The following UBE2E3 variants were observed in gnomAD, a reference collection of about 807,000 sequenced individuals.
The protein encoded by UBE2E3 is ubiquitin-conjugating enzyme E2 E3.
In UBE2E3, 5 loss-of-function variants were observed where a neutral mutation model predicts 23.6. That is an observed-to-expected ratio of 0.21 (90% CI 0.11 to 0.44). The LOEUF is 0.44. UBE2E3 is among the 20% of genes least tolerant of loss of function. UBE2E3 has a pLI of 0.99. For missense variants in UBE2E3, 81 were observed against 249.8 expected, an observed-to-expected ratio of 0.32 and a Z score of 4.55; for synonymous variants, 78 against 87.5, an observed-to-expected ratio of 0.89 and a Z score of 0.60.
intron 3 of UBE2E3, among the ~76,000 whole-genome samples, chr2:181,041,064 A>G (rs923849711): frequency 6.6e-6 from 1 of 151,970 alleles, no homozygotes; most frequent in African/African-American, 2.4e-5. Flanking sequence ...CCTGGCCAGC[A>G]TGATGAAACC....
intron 3 of UBE2E3, among the ~76,000 whole-genome samples, chr2:181,038,017 G>A (rs1686354205): frequency 6.6e-6 from 1 of 152,098 alleles, no homozygotes; most frequent in Non-Finnish European, 1.5e-5. Flanking sequence ...TATTATTGTG[G>A]AAGAAAAGTA....
At chr2:181,016,345 G>C (rs967554764) in intron 3 of UBE2E3, among the ~76,000 whole-genome samples, 1 of 151,930 alleles carries the variant, frequency 6.6e-6, no homozygotes, top group African/African-American at 2.4e-5. Flanking sequence ...CTCCCAAAGT[G>C]CTAGGATTAC....
chr2:181,039,677 G>A (rs10930950), intron 3 of UBE2E3, among the ~76,000 whole-genome samples: 118,778 of 152,142 alleles, frequency 0.78, 46,651 homozygotes, highest in East Asian at 0.91. Context: ...TTGCAAAGTC[G>A]AAAAATTCAT....
chr2:181,036,683 G>C (rs1176999108), intron 3 of UBE2E3, among the ~76,000 whole-genome samples: 2 of 152,146 alleles, frequency 1.3e-5, no homozygotes, highest in Non-Finnish European at 2.9e-5. Context: ...GAACTCTTCA[G>C]CCACCCTCTA....
intron 3 of UBE2E3, among the ~76,000 whole-genome samples, chr2:181,024,208 T>A (rs1335474387): frequency 1.3e-5 from 2 of 152,170 alleles, no homozygotes; most frequent in African/African-American, 4.8e-5. Context: ...ATTTGTCTTC[T>A]TCCAAGATGA....
intron 3 of UBE2E3, among the ~76,000 whole-genome samples, chr2:181,011,036 C>G (rs1246959473): frequency 6.6e-6 from 1 of 151,880 alleles, no homozygotes; most frequent in Non-Finnish European, 1.5e-5. Context: ...AAGCCCTTCA[C>G]TTAATAAAAT....
intron 3 of UBE2E3, among the ~76,000 whole-genome samples, chr2:181,031,069 C>G (rs915263598): frequency 6.6e-6 from 1 of 151,988 alleles, no homozygotes; most frequent in Non-Finnish European, 1.5e-5. Context: ...TTCTGTAATA[C>G]AAACATTAAA....
intron 4 of UBE2E3, among the ~76,000 whole-genome samples, chr2:181,059,845 T>C (rs1687092130): frequency 6.6e-6 from 1 of 151,676 alleles, no homozygotes. Flanking sequence ...TTTAATGTTT[T>C]CCTCCCAGAT....
At chr2:181,029,385 A>G (rs971661837) in intron 3 of UBE2E3, among the ~76,000 whole-genome samples, 2 of 152,118 alleles carry the variant, frequency 1.3e-5, no homozygotes, top group African/African-American at 4.8e-5. Context: ...TAGAAGTAGA[A>G]TTCTTAAAAA....
chr2:181,061,476 C>A (rs1558940773), intron 5 of UBE2E3, among the ~76,000 whole-genome samples: 1 of 150,726 alleles, frequency 6.6e-6, no homozygotes, highest in African/African-American at 2.4e-5. Context: ...CCTCCTTTTC[C>A]TGCTCCTTCC....
chr2:180,981,090 G>C (rs2105557900), intron 1 of UBE2E3, 117 bp downstream of exon 1: 1 of 146,334 alleles, frequency 6.8e-6, no homozygotes, highest in Non-Finnish European at 1.5e-5. Context: ...GCCGGTGTCC[G>C]CGAGCCGCGG....
chr2:181,011,874 C>T (rs1310588672), intron 3 of UBE2E3, among the ~76,000 whole-genome samples: 2 of 152,116 alleles, frequency 1.3e-5, no homozygotes, highest in Non-Finnish European at 2.9e-5. Flanking sequence ...TTTCCAGTTA[C>T]TTAATTTCAC....
chr2:181,044,767 A>C (rs529399871), intron 3 of UBE2E3, among the ~76,000 whole-genome samples: 3 of 152,272 alleles, frequency 2.0e-5, no homozygotes, highest in South Asian at 2.1e-4. Context: ...ATTAATCACT[A>C]TGTTAAAAGT....
At chr2:181,055,590 G>A (rs1168198143) in intron 3 of UBE2E3, among the ~76,000 whole-genome samples, 1 of 151,660 alleles carries the variant, frequency 6.6e-6, no homozygotes, top group Non-Finnish European at 1.5e-5. Flanking sequence ...GTGTCTTTGG[G>A]TACAGCAAAG....
At chr2:180,987,449 A>C in intron 3 of UBE2E3, 1 of 1,528,026 alleles carries the variant, frequency 6.5e-7, no homozygotes, top group Non-Finnish European at 8.9e-7. Flanking sequence ...AGAAGCACAA[A>C]TATACTGACG....
At chr2:180,987,306 A>G in intron 3 of UBE2E3, 2 of 1,548,292 alleles carry the variant, frequency 1.3e-6, no homozygotes, top group South Asian at 1.2e-5. Context: ...GTGATGTGTT[A>G]TTAAGACATT....
chr2:181,042,145 T>G (rs1280392635), intron 3 of UBE2E3, among the ~76,000 whole-genome samples: 2 of 152,242 alleles, frequency 1.3e-5, no homozygotes, highest in African/African-American at 4.8e-5. Context: ...TCACATCTCT[T>G]AAGTCTACCC....
chr2:181,009,855 A>G (rs1027490149), intron 3 of UBE2E3, among the ~76,000 whole-genome samples: 4 of 152,162 alleles, frequency 2.6e-5, no homozygotes, highest in African/African-American at 9.6e-5. Context: ...GCACTTAGCT[A>G]TATACTTTAT....
intron 3 of UBE2E3, among the ~76,000 whole-genome samples, chr2:181,041,908 C>T (rs1220042336): frequency 6.6e-6 from 1 of 152,156 alleles, no homozygotes; most frequent in East Asian, 1.9e-4. Flanking sequence ...TGTGGAGAGT[C>T]ATCTCAGCAG....
Sources: gnomAD v4.1 joint callset for allele counts (sites outside exome capture counted in the v4.1 genomes callset) on GRCh38, gnomAD v4.1.1 for gene constraint, MANE v1.5 for transcripts, NCBI Gene and HGNC (gene_info 2026-07-23, HGNC 2026-07-21) for gene names.